COL4A2: variants seen among roughly 807,000 people sequenced by gnomAD.
COL4A2 encodes collagen type IV alpha 2 chain.
A neutral mutation model predicts 200.2 loss-of-function variants in COL4A2; 99 were observed. That is an observed-to-expected ratio of 0.49 (90% confidence interval 0.42 to 0.58). COL4A2 has a LOEUF of 0.58. Among genes scored for constraint, COL4A2 ranks in the 20% least tolerant of loss-of-function variants. The probability of loss-of-function intolerance (pLI) is 0.00; values close to 1 mark genes in which losing one functional copy is unlikely to be tolerated. For synonymous variants in COL4A2, 897 were observed against 900.6 expected (o/e 1.00, Z 0.07); for missense variants, 1,950 against 2,314.1 (o/e 0.84, Z 3.23).
At chr13:110,328,763 G>C (rs1875764723) in intron 3 of COL4A2, among the ~76,000 whole-genome samples, 1 of 152,204 alleles carries the variant, frequency 6.6e-6, no homozygotes, top group Admixed American at 6.5e-5. Context: ...TCACCCAGCA[G>C]CGTCTCCTAG....
chr13:110,432,395 G>C (rs1184305557), intron 11 of COL4A2, 35 bp downstream of exon 11: 1 of 1,576,570 alleles, frequency 6.3e-7, no homozygotes, highest in Non-Finnish European at 8.6e-7. Context: ...ATGAGGGAAG[G>C]GGGTACTTAG....
intron 32 of COL4A2, among the ~76,000 whole-genome samples, chr13:110,484,281 A>C (rs558417580): frequency 6.6e-6 from 1 of 152,158 alleles, no homozygotes; most frequent in Non-Finnish European, 1.5e-5. Flanking sequence ...CTGAATACAC[A>C]GTAAATGCTT....
At chr13:110,310,876 C>T (rs1054178615) in intron 3 of COL4A2, among the ~76,000 whole-genome samples, 2 of 152,156 alleles carry the variant, frequency 1.3e-5, no homozygotes, top group South Asian at 2.1e-4. Context: ...TATTATTACC[C>T]CCATTTTACA....
chr13:110,465,926 C>T (rs576331860), intron 25 of COL4A2, 77 bp from the exon 26 acceptor site: 39 of 1,538,456 alleles, frequency 2.5e-5, no homozygotes, highest in Middle Eastern at 1.7e-4. Context: ...CCTTCACACA[C>T]GTGCACGCCC....
intron 3 of COL4A2, among the ~76,000 whole-genome samples, chr13:110,317,134 CCACACACACATACAGACACACAGATG>C (rs1267313144): frequency 1.4e-5 from 2 of 146,444 alleles, no homozygotes; most frequent in African/African-American, 2.5e-5. Flanking sequence ...CACTTGCACC[CCACACACACATACAGACACACAGATG>C]CACACACACA....
At chr13:110,498,327 G>A (rs1883529439) in intron 40 of COL4A2, among the ~76,000 whole-genome samples, 1 of 152,198 alleles carries the variant, frequency 6.6e-6, no homozygotes, top group African/African-American at 2.4e-5. Context: ...GTGTCATGAT[G>A]ATCAGTTTAC....
intron 15 of COL4A2, among the ~76,000 whole-genome samples, chr13:110,439,260 T>G (rs1158709197): frequency 6.6e-6 from 1 of 152,228 alleles, no homozygotes; most frequent in African/African-American, 2.4e-5. Context: ...GGTGGCTATC[T>G]GGCAGTTGCT....
intron 45 of COL4A2, 50 bp downstream of exon 45, chr13:110,504,314 G>C (rs1488918672): frequency 6.8e-7 from 1 of 1,467,170 alleles, no homozygotes; most frequent in Admixed American, 1.7e-5. Flanking sequence ...CTCTGGATCT[G>C]ACTCACAGAC....
chr13:110,313,973 T>C (rs1318271894), intron 3 of COL4A2, among the ~76,000 whole-genome samples: 1 of 152,238 alleles, frequency 6.6e-6, no homozygotes, highest in Middle Eastern at 3.2e-3. Context: ...GAAGCTGCCT[T>C]TTGAAGCAAC....
chr13:110,385,100 A>C lies in COL4A2; in HGVS notation c.180+27548A>C, dbSNP rs1053205551. Among the ~76,000 whole-genome samples, 4 of 152,180 alleles carry C rather than the reference A, an allele frequency of 2.6e-5. No homozygotes were observed. The East Asian group carries it at 7.7e-4, about 29-fold the overall frequency. Reference sequence around the variant, plus strand: ...TAACACGGTAAAACACTGTCTACTAAAAATAGAAAAAATTAGCCAGGCGCA... The same window carrying C: ...TAACACGGTAAAACACTGTCTACTACAAATAGAAAAAATTAGCCAGGCGCA... On this transcript the variant is annotated intron_variant, in intron 4 of 47. Coordinates refer to ENST00000360467, the MANE Select transcript of COL4A2 (RefSeq NM_001846.4).
At chr13:110,328,099 A>AT (rs1194155852) in intron 3 of COL4A2, among the ~76,000 whole-genome samples, 1 of 152,234 alleles carries the variant, frequency 6.6e-6, no homozygotes, top group Non-Finnish European at 1.5e-5. Context: ...CTTCAGTTAA[A>AT]TTAATAGTCT....
chr13:110,422,852 T>C (rs1393170872), intron 4 of COL4A2, among the ~76,000 whole-genome samples: 1 of 152,216 alleles, frequency 6.6e-6, no homozygotes, highest in East Asian at 1.9e-4. Context: ...CCCTCCATGC[T>C]ACTGCCTCAA....
rs530303906 is a variant in COL4A2, at chr13:110,334,623, G to T, written c.100-22849G>T. ...GAGCTGAACATATTTGCTCCTTACA[G>T]TGTGGATTTATAGTCTAAGAAACTT... On this transcript the variant is annotated intron_variant, in intron 3 of 47. Transcript: ENST00000360467. Among the ~76,000 whole-genome samples the T allele has an allele frequency of 3.3e-5, 5 of 152,322 alleles. 1 individual carries two copies. In the South Asian group the frequency reaches 1.0e-3, roughly 32 times the overall value.
At chr13:110,361,103 A>G (rs1284246618) in intron 4 of COL4A2, among the ~76,000 whole-genome samples, 1 of 152,230 alleles carries the variant, frequency 6.6e-6, no homozygotes, top group Non-Finnish European at 1.5e-5. Context: ...TCCTGGAGAT[A>G]TTCTTCTGTG....
At chr13:110,471,854 A>G (rs1002238915) in intron 28 of COL4A2, among the ~76,000 whole-genome samples, 4 of 152,082 alleles carry the variant, frequency 2.6e-5, no homozygotes, top group African/African-American at 9.7e-5. Context: ...ATCTTGTCCC[A>G]CAGAATCACC....
intron 40 of COL4A2, among the ~76,000 whole-genome samples, chr13:110,496,286 C>G (rs1382559942): frequency 6.6e-6 from 1 of 152,256 alleles, no homozygotes; most frequent in East Asian, 1.9e-4. Context: ...GCAACCCTGG[C>G]TTTTGCTGGG....
chr13:110,401,497 T>G (rs1427485330), intron 4 of COL4A2, among the ~76,000 whole-genome samples: 6 of 150,058 alleles, frequency 4.0e-5, no homozygotes, highest in African/African-American at 7.3e-5. Flanking sequence ...CAAACAAAAC[T>G]TACTTTTAAA....
chr13:110,483,063 A>G (rs1287346520), intron 32 of COL4A2, among the ~76,000 whole-genome samples: 1 of 152,206 alleles, frequency 6.6e-6, no homozygotes, highest in Admixed American at 6.5e-5. Flanking sequence ...GGAAGGACAT[A>G]ACACGGTGCC....
intron 4 of COL4A2, among the ~76,000 whole-genome samples, chr13:110,362,369 A>G (rs12323265): frequency 0.54 from 81,540 of 152,072 alleles, 22,423 homozygotes; most frequent in Non-Finnish European, 0.58. Context: ...GCACCAAACA[A>G]GGTGCCCGCC....
Sources: gnomAD v4.1 joint callset for allele counts (sites outside exome capture counted in the v4.1 genomes callset) on GRCh38, gnomAD v4.1.1 for gene constraint, MANE v1.5 for transcripts, NCBI Gene and HGNC (gene_info 2026-07-23, HGNC 2026-07-21) for gene names.